The following CTNNA3 variants were observed in gnomAD, a reference collection of about 807,000 sequenced individuals.
CTNNA3 encodes the protein catenin alpha-3.
CTNNA3 carries 76 observed loss-of-function variants against 95.7 expected under a neutral mutation model. The observed-to-expected ratio is 0.79, with a 90% confidence interval of 0.66 to 0.96. CTNNA3 has a LOEUF of 0.96. Among genes scored for constraint, CTNNA3 ranks in the 40% least tolerant of loss-of-function variants. The pLI, the probability that CTNNA3 is intolerant of heterozygous loss-of-function variation, is 0.00. For missense variants in CTNNA3, 1,191 were observed against 1,089.8 expected (o/e 1.09, Z -1.31); for synonymous variants, 431 against 374.4 (o/e 1.15, Z -1.74).
chr10:66,281,050 C>A (rs1368308882), intron 12 of CTNNA3, among the ~76,000 whole-genome samples: 1 of 151,614 alleles, frequency 6.6e-6, no homozygotes, highest in Non-Finnish European at 1.5e-5. Flanking sequence ...AGAAAGAAAG[C>A]AATTGAGTTG....
chr10:67,745,503 C>T (rs1257320299), intron 1 of CTNNA3, among the ~76,000 whole-genome samples: 3 of 68,514 alleles, frequency 4.4e-5, no homozygotes, highest in Non-Finnish European at 7.8e-5. Context: ...ACACCGGGGA[C>T]TGTTGTGGGG....
chr10:66,263,117 T>G (rs2091053075), intron 13 of CTNNA3, among the ~76,000 whole-genome samples: 6 of 151,968 alleles, frequency 3.9e-5, no homozygotes, highest in African/African-American at 1.4e-4. Flanking sequence ...AGAGCTGTCT[T>G]TACATTAGAG....
chr10:66,384,010 C>T (rs1283471997), intron 11 of CTNNA3, among the ~76,000 whole-genome samples: 1 of 152,132 alleles, frequency 6.6e-6, no homozygotes, highest in African/African-American at 2.4e-5. Flanking sequence ...TTGTAAAGAC[C>T]ATCGATGCTA....
upstream of CTNNA3, among the ~76,000 whole-genome samples, chr10:67,698,649 C>A (rs532397630): frequency 2.0e-5 from 3 of 152,204 alleles, no homozygotes; most frequent in African/African-American, 4.8e-5. Context: ...CAGGTTCGGG[C>A]TTTAAAAATA....
intron 10 of CTNNA3, among the ~76,000 whole-genome samples, chr10:66,609,804 T>C (rs1327591300): frequency 6.6e-6 from 1 of 152,140 alleles, no homozygotes; most frequent in Non-Finnish European, 1.5e-5. Flanking sequence ...TATGTGTATG[T>C]TCATTGCAGC....
chr10:67,235,672 A>G (rs1406628444), intron 5 of CTNNA3, among the ~76,000 whole-genome samples: 1 of 142,908 alleles, frequency 7.0e-6, no homozygotes, highest in Admixed American at 6.9e-5. Context: ...ATGGGATCTA[A>G]TTAAACTAAA....
At chr10:66,270,415 AG>A (rs2091255591) in intron 13 of CTNNA3, among the ~76,000 whole-genome samples, 1 of 152,066 alleles carries the variant, frequency 6.6e-6, no homozygotes, top group African/African-American at 2.4e-5. Flanking sequence ...CATGTTGCCC[AG>A]GCTTGTCTCA....
chr10:67,759,383 C>G (rs1841450593), intron 1 of CTNNA3, among the ~76,000 whole-genome samples: 1 of 152,178 alleles, frequency 6.6e-6, no homozygotes, highest in Admixed American at 6.5e-5. Flanking sequence ...TGTTGTCAAA[C>G]CTATTCCTTT....
chr10:67,482,868 T>A (rs1467458035), intron 5 of CTNNA3, among the ~76,000 whole-genome samples: 1 of 152,186 alleles, frequency 6.6e-6, no homozygotes, highest in Non-Finnish European at 1.5e-5. Context: ...CCATTCAGTA[T>A]GGTATTGGCT....
At chr10:66,203,444 A>G (rs1292877050) in intron 13 of CTNNA3, among the ~76,000 whole-genome samples, 2 of 152,112 alleles carry the variant, frequency 1.3e-5, no homozygotes, top group African/African-American at 4.8e-5. Flanking sequence ...CTGAGTTTTC[A>G]AAAAGTCCTG....
intron 12 of CTNNA3, among the ~76,000 whole-genome samples, chr10:66,346,234 TATATATATATATAGAGAGAGAGAGAG>T (rs376684448): frequency 0.032 from 1,489 of 45,974 alleles, 11 homozygotes; most frequent in East Asian, 0.059. Flanking sequence ...TATATATATA[TATATATATATATAGAGAGAGAGAGAG>T]AGAGAGAGAG....
chr10:66,376,622 A>G (rs1319489173), intron 12 of CTNNA3, among the ~76,000 whole-genome samples: 3 of 152,162 alleles, frequency 2.0e-5, no homozygotes, highest in Non-Finnish European at 4.4e-5. Flanking sequence ...TTATGACAAT[A>G]CTTTAAGGCA....
intron 7 of CTNNA3, among the ~76,000 whole-genome samples, chr10:67,084,853 A>G (rs1857217459): frequency 6.6e-6 from 1 of 152,000 alleles, no homozygotes; most frequent in South Asian, 2.1e-4. Context: ...CATTCAGGTT[A>G]TAGATTAGCA....
chr10:66,621,606 A>AG, intron 10 of CTNNA3, 86 bp downstream of exon 10: 4 of 740,850 alleles, frequency 5.4e-6, no homozygotes, highest in African/African-American at 2.0e-5. Flanking sequence ...AAAAAAAAAG[A>AG]AAAAAAAATA....
At chr10:67,378,852 A>G (rs982443540) in intron 5 of CTNNA3, among the ~76,000 whole-genome samples, 3 of 152,184 alleles carry the variant, frequency 2.0e-5, no homozygotes, top group African/African-American at 7.2e-5. Context: ...TGCTATCATA[A>G]TAAGTAACAT....
intron 5 of CTNNA3, among the ~76,000 whole-genome samples, chr10:67,424,256 T>C (rs1845839149): frequency 6.6e-6 from 1 of 152,154 alleles, no homozygotes. Flanking sequence ...TCTTTGACAA[T>C]AGATTTTAAA....
chr10:66,507,749 T>C (rs1381899747), intron 11 of CTNNA3, among the ~76,000 whole-genome samples: 1 of 152,182 alleles, frequency 6.6e-6, no homozygotes, highest in East Asian at 1.9e-4. Flanking sequence ...TTTATTCATC[T>C]GTTAATGGAC....
chr10:67,679,698 T>C (rs1014544193), intron 1 of CTNNA3, among the ~76,000 whole-genome samples: 3 of 152,216 alleles, frequency 2.0e-5, no homozygotes, highest in Non-Finnish European at 4.4e-5. Flanking sequence ...AAGATAAAAT[T>C]GGTTTCACTC....
In CTNNA3 at chr10:66,091,926, A is replaced by C. The variant is rs148829250; in HGVS notation, c.1977+11231T>G. On this transcript the variant is annotated intron_variant, in intron 14 of 17. Transcript: ENST00000433211. ...AATATAAAGCTATGCATATAAGATA[A>C]TTTCCAGTCTAGCTGACATCTTTGC... Among the ~76,000 whole-genome samples, 261 of 151,962 alleles carry C rather than the reference A, an allele frequency of 1.7e-3. 3 individuals carry two copies. The highest frequency in any genetic ancestry group is 6.0e-3 in the African/African-American group (251 of 41,498).
Sources: allele counts gnomAD v4.1 joint callset (sites outside exome capture counted in the v4.1 genomes callset), GRCh38; gene constraint gnomAD v4.1.1; transcripts MANE v1.5; gene names NCBI Gene and HGNC (gene_info 2026-07-23, HGNC 2026-07-21).